Variants in DSCAM observed in about 807,000 individuals in gnomAD.
The protein encoded by DSCAM is cell adhesion molecule DSCAM.
DSCAM carries 47 observed loss-of-function variants against 217.7 expected under a neutral mutation model. That is an observed-to-expected ratio of 0.22 (90% CI 0.17 to 0.28). DSCAM has a LOEUF of 0.28. Among genes scored for constraint, DSCAM ranks in the 10% least tolerant of loss-of-function variants. The pLI is 1.00. For missense variants in DSCAM, 2,080 were observed against 2,618.3 expected (o/e 0.79, Z 4.49); for synonymous variants, 1,056 against 1,015.3 (o/e 1.04, Z -0.76).
At chr21:40,435,873 G>A (rs2075578184) in intron 3 of DSCAM, among the ~76,000 whole-genome samples, 1 of 152,128 alleles carries the variant, frequency 6.6e-6, no homozygotes, top group South Asian at 2.1e-4. Flanking sequence ...CTTTTCCCAG[G>A]CTAGCGATAT....
At chr21:40,196,323 C>A (rs1028225258) in intron 11 of DSCAM, among the ~76,000 whole-genome samples, 1 of 152,166 alleles carries the variant, frequency 6.6e-6, no homozygotes, top group Non-Finnish European at 1.5e-5. Flanking sequence ...GGCTTTCTCA[C>A]CTGAGTCATA....
chr21:40,018,950 A>G (rs1339969744), intron 32 of DSCAM, among the ~76,000 whole-genome samples: 1 of 152,208 alleles, frequency 6.6e-6, no homozygotes, highest in African/African-American at 2.4e-5. Flanking sequence ...CCCTTCAACA[A>G]TGTGTATTTT....
At chr21:40,729,880 C>T (rs1178530686) in intron 1 of DSCAM, among the ~76,000 whole-genome samples, 1 of 152,188 alleles carries the variant, frequency 6.6e-6, no homozygotes, top group Admixed American at 6.5e-5. Context: ...ACAACCAAAT[C>T]TCAGTTGGAA....
At chr21:40,644,116 TC>T (rs1175369681) in intron 3 of DSCAM, among the ~76,000 whole-genome samples, 15 of 152,140 alleles carry the variant, frequency 9.9e-5, no homozygotes, top group African/African-American at 3.6e-4. Flanking sequence ...ACTTCAGAAC[TC>T]CGCCTAGAGA....
intron 3 of DSCAM, among the ~76,000 whole-genome samples, chr21:40,455,821 T>C (rs563845389): frequency 4.0e-5 from 6 of 151,828 alleles, no homozygotes; most frequent in African/African-American, 1.2e-4. Context: ...GATAAATAGA[T>C]TGATGGATTG....
chr21:40,577,313 A>G (rs2076859556), intron 3 of DSCAM, among the ~76,000 whole-genome samples: 1 of 150,830 alleles, frequency 6.6e-6, no homozygotes, highest in South Asian at 2.1e-4. Flanking sequence ...ACCAGAACAA[A>G]GTCAAATCTG....
intron 1 of DSCAM, among the ~76,000 whole-genome samples, chr21:40,795,074 T>C (rs909578566): frequency 1.4e-4 from 21 of 151,618 alleles, no homozygotes; most frequent in Admixed American, 7.9e-4. Flanking sequence ...TGCAAATTAT[T>C]TGAACCCCTT....
At chr21:40,728,097 C>A (rs368464730) in intron 1 of DSCAM, among the ~76,000 whole-genome samples, 9 of 152,188 alleles carry the variant, frequency 5.9e-5, no homozygotes, top group African/African-American at 1.9e-4. Flanking sequence ...TGCAGCGCCC[C>A]CTCCGACCCA....
intron 3 of DSCAM, among the ~76,000 whole-genome samples, chr21:40,437,194 G>GGGTGTA (rs1227547486): frequency 6.6e-6 from 1 of 152,136 alleles, no homozygotes; most frequent in Non-Finnish European, 1.5e-5. Flanking sequence ...TCTTCAGAAG[G>GGGTGTA]GGTGTAGACA....
At chr21:40,695,247 C>T (rs1048066571) in intron 2 of DSCAM, among the ~76,000 whole-genome samples, 3 of 152,084 alleles carry the variant, frequency 2.0e-5, no homozygotes, top group Non-Finnish European at 4.4e-5. Flanking sequence ...ACGGGAAATG[C>T]CTTCCCACCA....
intron 3 of DSCAM, among the ~76,000 whole-genome samples, chr21:40,380,850 T>G (rs1175832209): frequency 6.6e-6 from 1 of 151,474 alleles, no homozygotes; most frequent in African/African-American, 2.4e-5. Flanking sequence ...GATCACAAGG[T>G]CAGGAGATCG....
intron 11 of DSCAM, among the ~76,000 whole-genome samples, chr21:40,222,094 GTGTT>G (rs1376741434): frequency 6.6e-6 from 1 of 152,214 alleles, no homozygotes; most frequent in Non-Finnish European, 1.5e-5. Flanking sequence ...ACAACTGAGA[GTGTT>G]TGTTGCCAGT....
At position 40,144,528 on chromosome 21, in the gene DSCAM, A is replaced by C. The variant is rs1406124297; in HGVS notation, c.3222T>G (p.Pro1074=). 6 of 1,614,204 alleles carry C rather than the reference A, an allele frequency of 3.7e-6. No individual in the cohort carries two copies. The highest frequency in any genetic ancestry group is 4.2e-6 in the Non-Finnish European group (5 of 1,180,038). Residue 1074 remains proline, a synonymous_variant, in exon 17 of 33, where the codon CCT becomes CCG. Transcript: ENST00000400454. The surrounding 1 kb of genome is among the most constrained non-coding windows in gnomAD (Gnocchi z 4.8). ...VQACNRAGTG[P]SSQEIITTTL... ...TGGTGGTGATGATTTCCTGAGAAGAAGGCCCCGTGCCGGCCCGGTTACAGG... is the reference window on the plus strand; with the variant it reads ...TGGTGGTGATGATTTCCTGAGAAGACGGCCCCGTGCCGGCCCGGTTACAGG...
In DSCAM at chr21:40,846,851, C is replaced by T; in HGVS notation, c.-190G>A. 6.6e-6 allele frequency: 1 copy of T among 150,870 alleles called. No homozygotes were observed. The allele number at this position is 150,870 out of a possible 1,614,324, so 9.3% of individuals were successfully genotyped here. On this transcript the variant is annotated 5_prime_UTR_variant, in exon 1 of 33. Transcript: ENST00000400454. ...GCCGGGCTCCGGAGCGAGGGCTGCG[C>T]TCGCCGCGCGCTGCGCTCCTGCACA...
chr21:40,220,779 T>C (rs2091283012), intron 11 of DSCAM, among the ~76,000 whole-genome samples: 1 of 152,172 alleles, frequency 6.6e-6, no homozygotes, highest in Non-Finnish European at 1.5e-5. Context: ...GATAGAGGTA[T>C]TGTGCATGTG....
intron 3 of DSCAM, among the ~76,000 whole-genome samples, chr21:40,417,198 T>C (rs943977994): frequency 1.3e-5 from 2 of 152,224 alleles, no homozygotes; most frequent in Non-Finnish European, 1.5e-5. Context: ...ATTTTCATTT[T>C]TTATTGCCAA....
chr21:40,406,784 T>A (rs2075282995), intron 3 of DSCAM, among the ~76,000 whole-genome samples: 1 of 152,076 alleles, frequency 6.6e-6, no homozygotes, highest in Non-Finnish European at 1.5e-5. Flanking sequence ...CTTCTTCTTG[T>A]TGTTGTTAAA....
chr21:40,562,453 G>A (rs375050106), intron 3 of DSCAM, among the ~76,000 whole-genome samples: 21 of 152,180 alleles, frequency 1.4e-4, no homozygotes, highest in African/African-American at 3.6e-4. Flanking sequence ...GTCTCAGGCC[G>A]TTCTTCATAG....
chr21:40,532,019 G>A (rs2076450856), intron 3 of DSCAM, among the ~76,000 whole-genome samples: 1 of 152,158 alleles, frequency 6.6e-6, no homozygotes, highest in Admixed American at 6.5e-5. Flanking sequence ...CATTTAAGGA[G>A]CTGCAATCTG....
Sources: allele counts gnomAD v4.1 joint callset (sites outside exome capture counted in the v4.1 genomes callset), GRCh38; gene constraint gnomAD v4.1.1; non-coding constraint Gnocchi (gnomAD v3.1); transcripts MANE v1.5; gene names NCBI Gene and HGNC (gene_info 2026-07-23, HGNC 2026-07-21).